Variants in NRXN3 observed in about 807,000 individuals in gnomAD.
NRXN3 encodes the protein neurexin III.
NRXN3 carries 32 observed loss-of-function variants against 137.6 expected under a neutral mutation model. That is an observed-to-expected ratio of 0.23 (90% CI 0.18 to 0.31). The LOEUF (loss-of-function observed/expected upper bound fraction) is 0.31. Among genes scored for constraint, NRXN3 ranks in the 10% least tolerant of loss-of-function variants. NRXN3 has a pLI of 1.00. For missense variants in NRXN3, 1,574 were observed against 2,062.5 expected (o/e 0.76, Z 4.59); for synonymous variants, 798 against 784.5 (o/e 1.02, Z -0.29).
intron 4 of NRXN3, among the ~76,000 whole-genome samples, chr14:78,477,278 C>T (rs61978301): frequency 2.1e-4 from 32 of 152,192 alleles, no homozygotes; most frequent in Non-Finnish European, 1.2e-4. Flanking sequence ...TCATTCTCTA[C>T]ATTTCATGCC....
chr14:78,778,758 C>CCT (rs2098755735), intron 8 of NRXN3, among the ~76,000 whole-genome samples: 1 of 97,124 alleles, frequency 1.0e-5, no homozygotes, highest in Non-Finnish European at 2.0e-5. Context: ...TTCCTTCTTT[C>CCT]TCTTTCTTTC....
At chr14:78,596,716 A>G (rs1007808087) in intron 4 of NRXN3, among the ~76,000 whole-genome samples, 1 of 152,192 alleles carries the variant, frequency 6.6e-6, no homozygotes, top group Non-Finnish European at 1.5e-5. Flanking sequence ...GAATGATTAA[A>G]GTGAGGTGGG....
chr14:79,545,339 C>T (rs545256172), intron 16 of NRXN3, among the ~76,000 whole-genome samples: 95 of 152,214 alleles, frequency 6.2e-4, no homozygotes, highest in African/African-American at 2.3e-3. Flanking sequence ...TAAAGGCCAC[C>T]TGCTTTCTTT....
chr14:78,224,278 T>G (rs2064213982), intron 1 of NRXN3, among the ~76,000 whole-genome samples: 1 of 152,164 alleles, frequency 6.6e-6, no homozygotes, highest in South Asian at 2.1e-4. Context: ...TTTTGTTTTA[T>G]TTTATTATTA....
intron 10 of NRXN3, among the ~76,000 whole-genome samples, chr14:78,878,655 G>T (rs1000066648): frequency 1.4e-4 from 21 of 152,110 alleles, no homozygotes; most frequent in Non-Finnish European, 7.4e-5. Context: ...TAGAATAGTG[G>T]ACTCAAGCTA....
At chr14:79,078,444 C>T (rs2046342596) in intron 15 of NRXN3, among the ~76,000 whole-genome samples, 1 of 152,154 alleles carries the variant, frequency 6.6e-6, no homozygotes, top group African/African-American at 2.4e-5. Context: ...AAAAATCCAT[C>T]CAACCTTGCT....
intron 4 of NRXN3, among the ~76,000 whole-genome samples, chr14:78,453,198 A>C (rs2153708438): frequency 6.6e-6 from 1 of 152,264 alleles, no homozygotes; most frequent in Middle Eastern, 3.4e-3. Flanking sequence ...GGGATGTATT[A>C]TTTTGGGCAT....
intron 4 of NRXN3, among the ~76,000 whole-genome samples, chr14:78,630,142 A>T (rs2097505727): frequency 6.6e-6 from 1 of 152,180 alleles, no homozygotes; most frequent in African/African-American, 2.4e-5. Context: ...GCAAATTGGG[A>T]TGGCTGGTTA....
chr14:78,614,940 T>G (rs1473259726), intron 4 of NRXN3: 1 of 456,496 alleles, frequency 2.2e-6, no homozygotes, highest in Non-Finnish European at 4.4e-6. Context: ...CCTTCTTCAG[T>G]GCCCAGTTTT....
At chr14:79,056,103 G>T (rs532412191) in intron 15 of NRXN3, among the ~76,000 whole-genome samples, 10 of 152,176 alleles carry the variant, frequency 6.6e-5, no homozygotes, top group Non-Finnish European at 1.3e-4. Context: ...AATGATGGTA[G>T]TCTTCAGGTA....
intron 4 of NRXN3, among the ~76,000 whole-genome samples, chr14:78,430,801 C>G (rs1414784612): frequency 6.6e-6 from 1 of 152,214 alleles, no homozygotes; most frequent in East Asian, 1.9e-4. Context: ...CTTGACCAGA[C>G]AGCTGAAGGT....
intron 4 of NRXN3, among the ~76,000 whole-genome samples, chr14:78,436,215 TA>T (rs957434766): frequency 2.6e-5 from 4 of 152,206 alleles, no homozygotes; most frequent in African/African-American, 9.6e-5. Context: ...TACACAGGTT[TA>T]AATGTCAGTG....
intron 4 of NRXN3, among the ~76,000 whole-genome samples, chr14:78,574,036 T>A (rs1452003847): frequency 6.6e-6 from 1 of 152,230 alleles, no homozygotes; most frequent in African/African-American, 2.4e-5. Flanking sequence ...GGGGCCAATG[T>A]AGAGCTCAGG....
At chr14:78,696,529 C>T (rs372256705) in intron 6 of NRXN3, among the ~76,000 whole-genome samples, 2 of 151,952 alleles carry the variant, frequency 1.3e-5, no homozygotes, top group Admixed American at 6.6e-5. Context: ...AGTAACAAGT[C>T]GCAGAACAAG....
At chr14:78,774,850 G>A (rs1200049237) in intron 8 of NRXN3, among the ~76,000 whole-genome samples, 1 of 152,124 alleles carries the variant, frequency 6.6e-6, no homozygotes, top group Non-Finnish European at 1.5e-5. Context: ...CTTGAGCCAA[G>A]GGTTTGAGGC....
intron 15 of NRXN3, among the ~76,000 whole-genome samples, chr14:79,348,374 C>CTT (rs1186249385): frequency 5.0e-5 from 6 of 120,220 alleles, no homozygotes; most frequent in Non-Finnish European, 1.0e-4. Flanking sequence ...AGTTAATCTT[C>CTT]TCTCTTTTTT....
intron 15 of NRXN3, among the ~76,000 whole-genome samples, chr14:79,219,430 A>G (rs1568649948): frequency 6.6e-6 from 1 of 152,154 alleles, no homozygotes; most frequent in Admixed American, 6.6e-5. Context: ...ATGCCTGGCC[A>G]GTAAATGCTA....
chr14:79,521,405 C>A (rs1411331314), intron 16 of NRXN3, among the ~76,000 whole-genome samples: 1 of 152,090 alleles, frequency 6.6e-6, no homozygotes, highest in Non-Finnish European at 1.5e-5. Context: ...ACACTCAGGG[C>A]TTTTGGATAG....
At chr14:78,197,083 G>A (rs374123785) in intron 1 of NRXN3, among the ~76,000 whole-genome samples, 2 of 152,196 alleles carry the variant, frequency 1.3e-5, no homozygotes, top group South Asian at 2.1e-4. Flanking sequence ...CTGGAGCTGC[G>A]GAAGTGTGGC....
Sources: allele counts gnomAD v4.1 joint callset (sites outside exome capture counted in the v4.1 genomes callset), GRCh38; gene constraint gnomAD v4.1.1; transcripts MANE v1.5; gene names NCBI Gene and HGNC (gene_info 2026-07-23, HGNC 2026-07-21).